MBNL1: variants seen among roughly 807,000 people sequenced by gnomAD.
MBNL1 encodes muscleblind like splicing regulator 1, also known as muscleblind-like protein 1.
In MBNL1, 8 loss-of-function variants were observed where a neutral mutation model predicts 42.2. That is an observed-to-expected ratio of 0.19 (90% CI 0.11 to 0.34). The LOEUF (loss-of-function observed/expected upper bound fraction) is 0.34, where lower values mean the gene tolerates loss of function less well. Ranked by LOEUF, MBNL1 falls within the 10% of genes least tolerant of loss-of-function variation. MBNL1 has a pLI of 1.00. For synonymous variants in MBNL1, 169 were observed against 173.9 expected (o/e 0.97, Z 0.22); for missense variants, 309 against 495.3 (o/e 0.62, Z 3.57).
At chr3:152,388,523 A>G (rs17370463) in intron 2 of MBNL1, among the ~76,000 whole-genome samples, 10,838 of 152,222 alleles carry the variant, frequency 0.071, 509 homozygotes, top group Middle Eastern at 0.16. Flanking sequence ...TTTGCTCTCA[A>G]TTTCTATGCC....
chr3:152,341,405 G>T (rs2093174700), intron 2 of MBNL1, among the ~76,000 whole-genome samples: 1 of 152,160 alleles, frequency 6.6e-6, no homozygotes, highest in Non-Finnish European at 1.5e-5. Flanking sequence ...AGTACTTTTA[G>T]AGTGGGAATT....
intron 4 of MBNL1, 22 bp downstream of exon 4, chr3:152,432,942 C>A: frequency 1.3e-6 from 2 of 1,578,526 alleles, no homozygotes; most frequent in South Asian, 1.1e-5. Context: ...TAGTTGGTGT[C>A]TTTATATACT....
intron 2 of MBNL1, among the ~76,000 whole-genome samples, chr3:152,357,459 C>T (rs1339792081): frequency 6.6e-6 from 1 of 152,194 alleles, no homozygotes; most frequent in Non-Finnish European, 1.5e-5. Flanking sequence ...GCAGTTTTCT[C>T]ATGCTTTCTT....
chr3:152,463,119 ATCAG>A lies in MBNL1; in HGVS notation c.*757_*760del, dbSNP rs1748323173. ...TTTTGTTGCATATTTGCTAGTACTA[ATCAG>A]TCAAAGGGCACCATTCTTTTTTTTT... On this transcript the variant is annotated 3_prime_UTR_variant, in exon 10 of 10. Transcript: ENST00000324210. 1 of 150,484 alleles carries A rather than the reference ATCAG, an allele frequency of 6.6e-6. No individual in the cohort carries two copies. The highest frequency in any genetic ancestry group is 6.7e-5 in the Admixed American group (1 of 15,024). 9.3% of individuals were successfully genotyped at this position (150,484 alleles called of 1,614,324 possible).
chr3:152,302,726 A>G (rs2061244708), intron 2 of MBNL1, among the ~76,000 whole-genome samples: 1 of 152,212 alleles, frequency 6.6e-6, no homozygotes, highest in African/African-American at 2.4e-5. Context: ...TCTCTCACAG[A>G]GTAAACGGAA....
At chr3:152,340,255 G>A (rs2092785903) in intron 2 of MBNL1, 2 of 331,360 alleles carry the variant, frequency 6.0e-6, no homozygotes, top group South Asian at 5.7e-5. Flanking sequence ...CCAGGAGGTC[G>A]AGGCTGCAGG....
chr3:152,340,909 C>A (rs1294290583), intron 2 of MBNL1: 4 of 1,602,540 alleles, frequency 2.5e-6, no homozygotes, highest in East Asian at 4.5e-5. Flanking sequence ...CTGCATTGTT[C>A]TCTTCTAATT....
At chr3:152,368,132 T>TCTTCTAGGTTTCTTC (rs1367916577) in intron 2 of MBNL1, among the ~76,000 whole-genome samples, 4 of 152,216 alleles carry the variant, frequency 2.6e-5, no homozygotes, top group Admixed American at 1.3e-4. Context: ...TCTAGGGTTT[T>TCTTCTAGGTTTCTTC]TATGGTTTTA....
intron 1 of MBNL1, among the ~76,000 whole-genome samples, chr3:152,278,127 A>G (rs2046349921): frequency 6.6e-6 from 1 of 152,074 alleles, no homozygotes; most frequent in Admixed American, 6.6e-5. Context: ...AGTAACTAAG[A>G]TTAAGTAGTA....
chr3:152,391,597 G>A (rs150847932), intron 2 of MBNL1, among the ~76,000 whole-genome samples: 12 of 152,286 alleles, frequency 7.9e-5, no homozygotes, highest in African/African-American at 2.6e-4. Flanking sequence ...TGACAGTGTT[G>A]GGGGCTTAAT....
intron 2 of MBNL1, among the ~76,000 whole-genome samples, chr3:152,245,328 C>G (rs1025140248): frequency 2.0e-5 from 3 of 152,074 alleles, no homozygotes; most frequent in African/African-American, 7.2e-5. Flanking sequence ...TTTCTTTATA[C>G]TTTGGTAAAA....
intron 2 of MBNL1, among the ~76,000 whole-genome samples, chr3:152,384,764 A>G (rs937022456): frequency 2.0e-5 from 3 of 152,140 alleles, no homozygotes; most frequent in Admixed American, 6.5e-5. Flanking sequence ...TTCTTGCCTG[A>G]TAAAACAGAC....
intron 2 of MBNL1, among the ~76,000 whole-genome samples, chr3:152,253,551 C>T (rs1048445305): frequency 6.6e-6 from 1 of 152,066 alleles, no homozygotes; most frequent in Non-Finnish European, 1.5e-5. Context: ...TCTTCAATTG[C>T]TTCTTATTTT....
intron 2 of MBNL1, among the ~76,000 whole-genome samples, chr3:152,395,186 A>G (rs1393539603): frequency 3.3e-5 from 5 of 152,158 alleles, no homozygotes. Context: ...TATTATATTC[A>G]CAGTCTATAA....
intron 2 of MBNL1, among the ~76,000 whole-genome samples, chr3:152,303,543 T>C (rs935375113): frequency 3.9e-5 from 6 of 152,030 alleles, no homozygotes; most frequent in South Asian, 2.1e-4. Context: ...GTGAAAGAGA[T>C]AGGAAAAAAG....
chr3:152,425,524 C>G (rs1397858802), intron 3 of MBNL1, among the ~76,000 whole-genome samples: 1 of 151,924 alleles, frequency 6.6e-6, no homozygotes, highest in Non-Finnish European at 1.5e-5. Context: ...AAGAGAATCG[C>G]TTGAACCTGG....
chr3:152,358,773 A>G (rs1205707945), intron 2 of MBNL1, among the ~76,000 whole-genome samples: 1 of 145,874 alleles, frequency 6.9e-6, no homozygotes, highest in Non-Finnish European at 1.5e-5. Context: ...TATTACTATT[A>G]TTATTATTAT....
At chr3:152,293,414 A>G (rs960434248) in intron 1 of MBNL1, among the ~76,000 whole-genome samples, 3 of 152,238 alleles carry the variant, frequency 2.0e-5, no homozygotes, top group African/African-American at 4.8e-5. Flanking sequence ...GGTTGGTTGT[A>G]TATGGAAATC....
At position 152,272,053 on chromosome 3, in the gene MBNL1, C is replaced by CTT. The variant is rs1469814290; in HGVS notation, c.-790+2962_-790+2963insTT. ...ACCTGTTTCTTTTCTCTCTCTCTCT[C>CTT]TCTCTCTCTCTCTCTCTTTCATGGT... On this transcript the variant is annotated intron_variant, in intron 1 of 9. Transcript: ENST00000324210. Among the ~76,000 whole-genome samples the CTT allele has an allele frequency of 7.2e-5, 11 of 151,854 alleles. No homozygotes were observed. The East Asian group carries it at 2.1e-3, about 29-fold the overall frequency.
Sources: allele counts gnomAD v4.1 joint callset (sites outside exome capture counted in the v4.1 genomes callset), GRCh38; gene constraint gnomAD v4.1.1; transcripts MANE v1.5; gene names NCBI Gene and HGNC (gene_info 2026-07-23, HGNC 2026-07-21).